MTREX: variants seen among roughly 807,000 people sequenced by gnomAD.
MTREX encodes exosome RNA helicase MTR4.
A neutral mutation model predicts 135.4 loss-of-function variants in MTREX; 76 were observed. That is an observed-to-expected ratio of 0.56 (90% confidence interval 0.47 to 0.68). The LOEUF (loss-of-function observed/expected upper bound fraction) is 0.68. MTREX is among the 30% of genes least tolerant of loss of function. The pLI is 0.00. For missense variants in MTREX, 920 were observed against 1,262.1 expected (o/e 0.73, Z 4.11); for synonymous variants, 404 against 401.6 (o/e 1.01, Z -0.07).
At chr5:55,386,084 C>G (rs1750474235) in intron 18 of MTREX, among the ~76,000 whole-genome samples, 2 of 151,904 alleles carry the variant, frequency 1.3e-5, no homozygotes, top group African/African-American at 4.8e-5. Flanking sequence ...ATTTTTGTGG[C>G]CAATAGAGCT....
chr5:55,411,152 A>T (rs1016967189), intron 23 of MTREX, among the ~76,000 whole-genome samples: 4 of 152,190 alleles, frequency 2.6e-5, no homozygotes, highest in Non-Finnish European at 5.9e-5. Flanking sequence ...TTCACTTTCA[A>T]CAGTTCTTAA....
intron 25 of MTREX, 56 bp downstream of exon 25, chr5:55,416,188 G>T: frequency 8.7e-7 from 1 of 1,153,912 alleles, no homozygotes; most frequent in Non-Finnish European, 1.2e-6. Context: ...AGTTAGGATG[G>T]TATTGTTTTA....
At chr5:55,383,974 T>C (rs1213575405) in intron 18 of MTREX, among the ~76,000 whole-genome samples, 1 of 152,198 alleles carries the variant, frequency 6.6e-6, no homozygotes, top group Admixed American at 6.5e-5. Flanking sequence ...TCTCATTACA[T>C]TGCCCAGGCT....
intron 15 of MTREX, among the ~76,000 whole-genome samples, chr5:55,364,241 T>C (rs939839809): frequency 7.9e-5 from 12 of 152,232 alleles, no homozygotes; most frequent in African/African-American, 2.7e-4. Flanking sequence ...TGGATACTTA[T>C]AGATGAGAGA....
intron 18 of MTREX, among the ~76,000 whole-genome samples, chr5:55,386,412 T>C (rs1750482827): frequency 6.6e-6 from 1 of 152,148 alleles, no homozygotes; most frequent in Admixed American, 6.5e-5. Flanking sequence ...TATCTGAAAG[T>C]GGACATTGAT....
Position 55,405,409 on chromosome 5 carries a change from C to T in MTREX, c.2482-16C>T, listed in dbSNP as rs1306823792. The stretch of plus-strand genomic sequence containing the variant: ...ACTTTATTATTGAACTTTCTTTATA[C>T]TTTCATGTGCTTTAGATTGCAATAG... On this transcript the variant is annotated splice_polypyrimidine_tract_variant and intron_variant, in intron 21 of 26. Transcript: ENST00000230640. The T allele has an allele frequency of 6.3e-7, 1 of 1,598,172 alleles. No individual in the cohort carries two copies. The highest frequency in any genetic ancestry group is 8.6e-7 in the Non-Finnish European group (1 of 1,168,578).
At chr5:55,392,682 C>T (rs1694063044) in intron 19 of MTREX, among the ~76,000 whole-genome samples, 1 of 152,050 alleles carries the variant, frequency 6.6e-6, no homozygotes, top group Non-Finnish European at 1.5e-5. Context: ...CATGGTCAGA[C>T]AGAAGTGAGA....
intron 11 of MTREX, among the ~76,000 whole-genome samples, chr5:55,349,221 CTG>C (rs1264213422): frequency 6.9e-6 from 1 of 145,484 alleles, no homozygotes; most frequent in Admixed American, 6.9e-5. Context: ...GGGTCTCACT[CTG>C]TTGCCAGGAC....
intron 1 of MTREX, among the ~76,000 whole-genome samples, chr5:55,314,292 T>G (rs1292061965): frequency 1.3e-5 from 2 of 152,242 alleles, no homozygotes; most frequent in African/African-American, 4.8e-5. Flanking sequence ...GTGATGTTCA[T>G]GTCCCAATCC....
intron 1 of MTREX, among the ~76,000 whole-genome samples, chr5:55,320,860 A>G (rs1438957669): frequency 2.6e-5 from 4 of 152,170 alleles, no homozygotes; most frequent in African/African-American, 9.7e-5. Context: ...AAGTCTATTA[A>G]AATACCCTGT....
rs1464774703 is a variant in MTREX, at chr5:55,406,265, C to T, written c.2645+677C>T. Among the ~76,000 whole-genome samples the T allele has an allele frequency of 2.6e-5, 4 of 152,152 alleles. No individual in the cohort carries two copies. In the East Asian group the frequency reaches 7.7e-4, roughly 29 times the overall value. The stretch of plus-strand genomic sequence containing the variant: ...GAAGAGCTCATTTGGATGGTTCTGG[C>T]TCTGTCCCCCAGGATTGCCGTCAGA... On this transcript the variant is annotated intron_variant, in intron 22 of 26. Coordinates refer to ENST00000230640, the MANE Select transcript of MTREX (RefSeq NM_015360.5).
intron 19 of MTREX, among the ~76,000 whole-genome samples, chr5:55,392,359 C>T (rs1222765572): frequency 2.0e-5 from 3 of 151,870 alleles, no homozygotes; most frequent in African/African-American, 4.8e-5. Context: ...GCCTGGCCAA[C>T]GTGGCCAAAA....
At chr5:55,412,634 G>A (rs146527702) in intron 23 of MTREX, among the ~76,000 whole-genome samples, 1 of 152,188 alleles carries the variant, frequency 6.6e-6, no homozygotes, top group African/African-American at 2.4e-5. Context: ...CACTAATGAA[G>A]TGAAACTTAT....
intron 14 of MTREX, 58 bp downstream of exon 14, chr5:55,353,327 C>A: frequency 9.0e-7 from 1 of 1,106,326 alleles, no homozygotes; most frequent in South Asian, 1.4e-5. Context: ...CTATAGATAA[C>A]TGGCTTACAT....
chr5:55,406,337 G>A (rs1750804907), intron 22 of MTREX, among the ~76,000 whole-genome samples: 2 of 152,180 alleles, frequency 1.3e-5, no homozygotes, highest in South Asian at 4.1e-4. Context: ...GCTGGGGAAT[G>A]TTAGGACCTC....
chr5:55,400,478 T>C (rs746376480), intron 21 of MTREX, 57 bp downstream of exon 21: 5 of 1,193,518 alleles, frequency 4.2e-6, no homozygotes, highest in Non-Finnish European at 4.7e-6. Context: ...TGAATAAATA[T>C]GTGTTTGTCA....
intron 5 of MTREX, among the ~76,000 whole-genome samples, chr5:55,331,446 A>C (rs1320784234): frequency 6.6e-6 from 1 of 152,204 alleles, no homozygotes; most frequent in Non-Finnish European, 1.5e-5. Context: ...CTACTTAGTC[A>C]GTATTCCATG....
intron 15 of MTREX, among the ~76,000 whole-genome samples, chr5:55,359,005 GTTGTTCT>G (rs1263308120): frequency 6.6e-6 from 1 of 152,188 alleles, no homozygotes; most frequent in Non-Finnish European, 1.5e-5. Flanking sequence ...CACTGCACAA[GTTGTTCT>G]TTACCTGGTA....
chr5:55,331,160 C>T (rs1170163431), intron 5 of MTREX, among the ~76,000 whole-genome samples: 2 of 152,012 alleles, frequency 1.3e-5, no homozygotes, highest in African/African-American at 4.8e-5. Context: ...TCATCTGTCT[C>T]ATTTTTGGAT....
Sources: gnomAD v4.1 joint callset for allele counts (sites outside exome capture counted in the v4.1 genomes callset) on GRCh38, gnomAD v4.1.1 for gene constraint, MANE v1.5 for transcripts, NCBI Gene and HGNC (gene_info 2026-07-23, HGNC 2026-07-21) for gene names.